The following DCC variants were observed in gnomAD, a reference collection of about 807,000 sequenced individuals.
The protein encoded by DCC is netrin receptor DCC.
Under a neutral mutation model 172.5 loss-of-function variants are expected in DCC, and 58 were observed. The observed-to-expected ratio is 0.34, with a 90% confidence interval of 0.27 to 0.42. The LOEUF is 0.42. DCC is among the 10% of genes least tolerant of loss of function. The pLI, the probability that DCC is intolerant of heterozygous loss-of-function variation, is 1.00. For synonymous variants in DCC, 709 were observed against 644.5 expected, an observed-to-expected ratio of 1.10 and a Z score of -1.52; for missense variants, 1,740 against 1,791.0, an observed-to-expected ratio of 0.97 and a Z score of 0.51.
intron 1 of DCC, among the ~76,000 whole-genome samples, chr18:52,350,514 C>T (rs546472267): frequency 3.2e-4 from 49 of 150,910 alleles, no homozygotes; most frequent in South Asian, 1.1e-3. Context: ...CATCATACAC[C>T]GGGGCCTACT....
chr18:53,371,812 C>T (rs1370957973), intron 15 of DCC, among the ~76,000 whole-genome samples: 2 of 151,724 alleles, frequency 1.3e-5, no homozygotes, highest in South Asian at 2.1e-4. Context: ...ATAATACGAA[C>T]AACGCTTTTC....
intron 7 of DCC, among the ~76,000 whole-genome samples, chr18:53,089,811 T>C (rs904747748): frequency 2.6e-5 from 4 of 152,182 alleles, no homozygotes; most frequent in Admixed American, 6.6e-5. Context: ...AATTTTCTTA[T>C]GATGTAATAA....
At chr18:53,232,546 A>C (rs2056139033) in intron 12 of DCC, among the ~76,000 whole-genome samples, 1 of 152,114 alleles carries the variant, frequency 6.6e-6, no homozygotes, top group African/African-American at 2.4e-5. Context: ...AGACCTCTTC[A>C]TGTATCTTTG....
chr18:53,197,311 G>C (rs1300407120), intron 9 of DCC, among the ~76,000 whole-genome samples: 1 of 151,360 alleles, frequency 6.6e-6, no homozygotes, highest in African/African-American at 2.4e-5. Context: ...TAAAGGGATA[G>C]AATCAGCCAC....
At chr18:52,372,133 G>A (rs1347272113) in intron 1 of DCC, among the ~76,000 whole-genome samples, 1 of 152,196 alleles carries the variant, frequency 6.6e-6, no homozygotes. Flanking sequence ...CTTTAGTTAT[G>A]CCCTCTTCTT....
intron 1 of DCC, among the ~76,000 whole-genome samples, chr18:52,483,816 T>C (rs2030076783): frequency 6.6e-6 from 1 of 152,248 alleles, no homozygotes; most frequent in Non-Finnish European, 1.5e-5. Context: ...TTCTGATCTC[T>C]CTTTCTGGAG....
intron 5 of DCC, among the ~76,000 whole-genome samples, chr18:52,926,899 G>A (rs1191766051): frequency 3.3e-5 from 3 of 91,990 alleles, no homozygotes; most frequent in African/African-American, 7.9e-5. Flanking sequence ...ACATACATAT[G>A]TGTGTATATA....
intron 1 of DCC, among the ~76,000 whole-genome samples, chr18:52,733,967 T>G (rs2036686060): frequency 6.6e-6 from 1 of 152,140 alleles, no homozygotes; most frequent in Admixed American, 6.6e-5. Context: ...TCAATATAAT[T>G]AATTCTGTTT....
At chr18:52,342,175 G>A (rs1164565723) in intron 1 of DCC, among the ~76,000 whole-genome samples, 1 of 152,174 alleles carries the variant, frequency 6.6e-6, no homozygotes. Context: ...CCAAAGCCTC[G>A]CTCGGCCGCA....
At chr18:53,519,022 G>A (rs927579875) in intron 27 of DCC, among the ~76,000 whole-genome samples, 3 of 152,102 alleles carry the variant, frequency 2.0e-5, no homozygotes, top group South Asian at 2.1e-4. Context: ...TGCAATTTGA[G>A]TTAAGCTTTA....
At chr18:52,494,860 G>T (rs1196972787) in intron 1 of DCC, among the ~76,000 whole-genome samples, 1 of 151,942 alleles carries the variant, frequency 6.6e-6, no homozygotes, top group Non-Finnish European at 1.5e-5. Context: ...CCTGTATCTT[G>T]TCACACCTAG....
chr18:52,940,193 C>G (rs1283507798), intron 5 of DCC, among the ~76,000 whole-genome samples: 2 of 152,112 alleles, frequency 1.3e-5, no homozygotes, highest in African/African-American at 4.8e-5. Flanking sequence ...CATTTATATT[C>G]AGAAACCAAA....
intron 1 of DCC, among the ~76,000 whole-genome samples, chr18:52,431,721 C>A (rs11082924): frequency 7.2e-4 from 110 of 152,248 alleles, no homozygotes; most frequent in Admixed American, 1.5e-3. Flanking sequence ...ATCCTAAATT[C>A]CGAGGCCACA....
chr18:52,927,664 C>T (rs541270009), intron 5 of DCC, among the ~76,000 whole-genome samples: 1 of 152,110 alleles, frequency 6.6e-6, no homozygotes, highest in Admixed American at 6.6e-5. Flanking sequence ...AAATGCTCCA[C>T]ATTACTAATC....
At chr18:53,094,232 A>G (rs1255229561) in intron 7 of DCC, among the ~76,000 whole-genome samples, 2 of 152,164 alleles carry the variant, frequency 1.3e-5, no homozygotes, top group East Asian at 3.9e-4. Flanking sequence ...TAAAACTTGT[A>G]TTGCTTTAGA....
At chr18:52,603,591 T>C (rs1598948854) in intron 1 of DCC, among the ~76,000 whole-genome samples, 2 of 144,610 alleles carry the variant, frequency 1.4e-5, no homozygotes, top group South Asian at 2.2e-4. Context: ...GTGAAGTTAA[T>C]ACACACACAC....
At chr18:52,749,440 G>A (rs1024306624) in intron 1 of DCC, among the ~76,000 whole-genome samples, 2 of 152,102 alleles carry the variant, frequency 1.3e-5, no homozygotes, top group African/African-American at 2.4e-5. Flanking sequence ...GAGACCAATA[G>A]AATCATATCT....
Position 52,636,697 on chromosome 18 carries a change from G to A in DCC, c.92-115357G>A, listed in dbSNP as rs573978202. 5.9e-5 allele frequency among the ~76,000 whole-genome samples: 9 copies of A among 152,108 alleles called. No homozygotes were observed. The South Asian group carries it at 1.0e-3, about 18-fold the overall frequency. ...CCCCAGAGAGTCTGAACTCAGACAC[G>A]CCTAGACTCACCCCCACCTGATGAT... On this transcript the variant is annotated intron_variant, in intron 1 of 28. Transcript: ENST00000442544.
intron 1 of DCC, among the ~76,000 whole-genome samples, chr18:52,448,582 T>C (rs1421588259): frequency 6.6e-6 from 1 of 152,128 alleles, no homozygotes; most frequent in Non-Finnish European, 1.5e-5. Context: ...CCAGAACCGA[T>C]TGAAATGGTT....
Sources: allele counts gnomAD v4.1 joint callset (sites outside exome capture counted in the v4.1 genomes callset), GRCh38; gene constraint gnomAD v4.1.1; transcripts MANE v1.5; gene names NCBI Gene and HGNC (gene_info 2026-07-23, HGNC 2026-07-21).